The following WDR35 variants were observed in gnomAD, a reference collection of about 807,000 sequenced individuals.
The protein encoded by WDR35 is WD repeat-containing protein 35.
A neutral mutation model predicts 158.3 loss-of-function variants in WDR35; 118 were observed. The ratio of observed to expected loss-of-function variants is 0.75; its 90% confidence interval spans 0.64 to 0.87. WDR35 has a LOEUF of 0.87. Ranked by LOEUF, WDR35 falls within the 40% of genes least tolerant of loss-of-function variation. The pLI is 0.00. For synonymous variants in WDR35, 448 were observed against 476.1 expected (o/e 0.94, Z 0.77); for missense variants, 1,263 against 1,405.8 (o/e 0.90, Z 1.62).
At chr2:19,953,777 G>C in intron 12 of WDR35, 57 bp downstream of exon 12, 1 of 1,607,498 alleles carries the variant, frequency 6.2e-7, no homozygotes. Flanking sequence ...CAATTACTAT[G>C]TCTGACTTCA....
In WDR35 at chr2:19,934,492, A is replaced by G. The variant is rs1469074491; in HGVS notation, c.2547+979T>C. ...TTCCCATATTATTAAAAATTCTTCTATAACTCTATTTAAAATTTATAATAC... is the reference window on the plus strand; with the variant it reads ...TTCCCATATTATTAAAAATTCTTCTGTAACTCTATTTAAAATTTATAATAC... On this transcript the variant is annotated intron_variant, in intron 21 of 26. Transcript: ENST00000281405. The surrounding 1 kb of genome is among the most constrained non-coding windows in gnomAD (Gnocchi z 4.6). Among the ~76,000 whole-genome samples, 2 of 151,996 alleles carry G rather than the reference A, an allele frequency of 1.3e-5. No homozygotes were observed. The highest frequency in any genetic ancestry group is 2.9e-5 in the Non-Finnish European group (2 of 67,968).
At position 19,934,261 on chromosome 2, in the gene WDR35, A is replaced by G. The variant is rs1158796453; in HGVS notation, c.2548-750T>C. On this transcript the variant is annotated intron_variant, in intron 21 of 26. Coordinates refer to ENST00000281405, the MANE Select transcript of WDR35 (RefSeq NM_020779.4). The surrounding 1 kb of genome is among the most constrained non-coding windows in gnomAD (Gnocchi z 4.6). ...TATATTTTTCTGATTATAAGGGAAT[A>G]CATTCTATCTGTAAAAAAAATTACA... Among the ~76,000 whole-genome samples the G allele has an allele frequency of 1.3e-5, 2 of 152,216 alleles. No homozygotes were observed. Among genetic ancestry groups the G allele is most frequent in the African/African-American group, 4.8e-5 (2 of 41,450 alleles).
chr2:19,963,467 A>G (rs1671734730), intron 10 of WDR35, among the ~76,000 whole-genome samples: 1 of 152,124 alleles, frequency 6.6e-6, no homozygotes, highest in African/African-American at 2.4e-5. Context: ...GGGCTCAAAT[A>G]TGTCAGGTAG....
At chr2:19,971,344 C>T (rs924038584) in intron 8 of WDR35, among the ~76,000 whole-genome samples, 7 of 152,196 alleles carry the variant, frequency 4.6e-5, no homozygotes, top group African/African-American at 1.7e-4. Context: ...AAGCAGTGAT[C>T]AGGGCATGAG....
chr2:19,971,172 T>C (rs567700773), intron 8 of WDR35, among the ~76,000 whole-genome samples: 7 of 152,350 alleles, frequency 4.6e-5, no homozygotes, highest in Admixed American at 2.6e-4. Context: ...GACAGAATGA[T>C]AGAATCCCCA....
At chr2:19,982,323 T>TA (rs752742703) in intron 3 of WDR35, 140 bp downstream of exon 3, 27 of 828,588 alleles carry the variant, frequency 3.3e-5, no homozygotes, top group Non-Finnish European at 4.9e-5. Context: ...TATTGGAACA[T>TA]ATCCCCATCG....
intron 24 of WDR35, 27 bp from the exon 25 acceptor site, chr2:19,930,579 C>A (rs1670495789): frequency 3.7e-6 from 6 of 1,613,570 alleles, no homozygotes; most frequent in Non-Finnish European, 5.1e-6. Flanking sequence ...CCCACACTTT[C>A]CGTCAGCACA....
chr2:19,913,622 C>A lies in WDR35; in HGVS notation c.3449G>T (p.Gly1150Val). The A allele has an allele frequency of 6.2e-7, 1 of 1,614,110 alleles. No homozygotes were observed. Among genetic ancestry groups the A allele is most frequent in the Non-Finnish European group, 8.5e-7 (1 of 1,179,998 alleles). ...GTGGCTTATTTCCTGAGCAAGGACA[C>A]CGTGTTTGCATACACTGCACATCCA... ...QFWMCSVCKH[G>V]VLAQEISHYS... Residue 1150 changes from glycine to valine, a missense_variant, in exon 27 of 27, where the codon GGT becomes GTT. Transcript: ENST00000281405.
Position 19,911,177 on chromosome 2 carries a change from G to A in WDR35, c.*2381C>T, listed in dbSNP as rs183728689. On this transcript the variant is annotated 3_prime_UTR_variant, in exon 27 of 27. Coordinates refer to ENST00000281405, the MANE Select transcript of WDR35 (RefSeq NM_020779.4). ...TCCAAAAGAGAGTTTCCAAAGTTAG[G>A]TGAAGTCTGAGGAGTCAACAGGTGA... is the stretch of plus-strand genomic sequence containing the variant. The A allele has an allele frequency of 6.6e-6, 1 of 152,330 alleles. No homozygotes were observed. The highest frequency in any genetic ancestry group is 1.9e-4 in the East Asian group (1 of 5,180). 9.4% of individuals were successfully genotyped at this position (152,330 alleles called of 1,614,324 possible). A position where few individuals can be genotyped will look rare whatever the true frequency, so the allele number is the denominator to read the frequency against.
chr2:19,961,467 G>A (rs558009826), intron 10 of WDR35, among the ~76,000 whole-genome samples: 79 of 152,148 alleles, frequency 5.2e-4, no homozygotes, highest in Non-Finnish European at 9.3e-4. Flanking sequence ...TGCCAAATCC[G>A]TTGCACCCAG....
chr2:19,928,503 G>A (rs1670426681), intron 25 of WDR35, among the ~76,000 whole-genome samples: 1 of 152,042 alleles, frequency 6.6e-6, no homozygotes, highest in Non-Finnish European at 1.5e-5. Context: ...GACTGAGCTG[G>A]TCTCGGCACA....
Position 19,953,930 on chromosome 2 carries a change from T to C in WDR35, c.1304A>G (p.Lys435Arg), listed in dbSNP as rs139802705. The C allele has an allele frequency of 1.9e-6, 3 of 1,614,174 alleles. No individual in the cohort carries two copies. The highest frequency in any genetic ancestry group is 2.5e-6 in the Non-Finnish European group (3 of 1,180,002). The change falls in exon 12 of 27, where the codon AAA becomes AGA. Residue 435 changes from lysine (K) to arginine (R), a missense_variant. Transcript: ENST00000281405. ...ATATTGCCAGGTATAAAATGCTTCT[T>C]TCGAGGCTGCTATCACATGGGTTTT... is the stretch of plus-strand genomic sequence containing the variant. ...MTKTHVIAAS[K>R]EAFYTWQYRV...
chr2:19,964,256 C>CTA (rs1472202380), intron 10 of WDR35, among the ~76,000 whole-genome samples: 2 of 151,940 alleles, frequency 1.3e-5, no homozygotes, highest in Non-Finnish European at 2.9e-5. Flanking sequence ...ATTCACTGAG[C>CTA]TAGGCACTTC....
At chr2:19,939,701 GT>G (rs1026591338) in intron 17 of WDR35, among the ~76,000 whole-genome samples, 1 of 151,048 alleles carries the variant, frequency 6.6e-6, no homozygotes, top group Admixed American at 6.6e-5. Context: ...GGGATTTAGG[GT>G]TTTTTTTTAA....
intron 11 of WDR35, among the ~76,000 whole-genome samples, chr2:19,956,618 CTTTTTTTTTTTT>C (rs34318252): frequency 7.7e-6 from 1 of 129,412 alleles, no homozygotes; most frequent in Non-Finnish European, 1.6e-5. Flanking sequence ...CTTAATAATA[CTTTTTTTTTTTT>C]TTTTTTTTGA....
chr2:19,989,332 GAAGT>G (rs1473263220), intron 1 of WDR35, 50 bp from the exon 2 acceptor site: 1 of 1,467,310 alleles, frequency 6.8e-7, no homozygotes, highest in Non-Finnish European at 9.6e-7. Context: ...AAGGAGCTGG[GAAGT>G]AAGTCTGCAG....
intron 19 of WDR35, 140 bp downstream of exon 19, chr2:19,937,603 T>C: frequency 4.5e-6 from 5 of 1,118,858 alleles, no homozygotes; most frequent in South Asian, 4.1e-5. Flanking sequence ...ATGTAGAATA[T>C]CTAGGTTGTA....
intron 2 of WDR35, among the ~76,000 whole-genome samples, chr2:19,986,749 TGATGTAAAAA>T (rs1486606086): frequency 3.3e-4 from 51 of 152,274 alleles, no homozygotes; most frequent in African/African-American, 1.1e-3. Context: ...GAAGTAAACC[TGATGTAAAAA>T]GATGGATTGC....
intron 16 of WDR35, among the ~76,000 whole-genome samples, chr2:19,943,731 G>T (rs778050148): frequency 8.6e-5 from 13 of 151,978 alleles, no homozygotes; most frequent in African/African-American, 3.1e-4. Flanking sequence ...ACAAAACAGC[G>T]CAATCAGTAC....
Sources: gnomAD v4.1 joint callset for allele counts (sites outside exome capture counted in the v4.1 genomes callset) on GRCh38, gnomAD v4.1.1 for gene constraint, Gnocchi (gnomAD v3.1) non-coding constraint, MANE v1.5 for transcripts, NCBI Gene and HGNC (gene_info 2026-07-23, HGNC 2026-07-21) for gene names.